Variants in ALG1L2 observed in about 807,000 individuals in gnomAD.
ALG1L2 encodes the protein ALG1 chitobiosyldiphosphodolichol beta-mannosyltransferase like 2, also known as putative glycosyltransferase ALG1L2.
A neutral mutation model predicts 29.0 loss-of-function variants in ALG1L2; 32 were observed. The observed-to-expected ratio is 1.10, with a 90% CI of 0.83 to 1.48. ALG1L2 has a LOEUF of 1.48. Ranked by LOEUF, ALG1L2 falls within the 40% of genes most tolerant of loss-of-function variation. ALG1L2 has a pLI of 0.00. For synonymous variants in ALG1L2, 110 were observed against 109.5 expected (o/e 1.00, Z -0.03); for missense variants, 318 against 274.1 (o/e 1.16, Z -1.13).
rs1297289184 is a variant in ALG1L2 at position 130,097,188 on chromosome 3, G to A, written c.553G>A (p.Val185Met). 2.5e-6 allele frequency: 4 copies of A among 1,611,848 alleles called. No homozygotes were observed. The highest frequency in any genetic ancestry group is 1.7e-5 in the Admixed American group (1 of 59,996). The change falls in exon 7 of 8, where the codon GTG (valine) becomes ATG (methionine). Residue 185 changes from valine (V) to methionine (M), a missense_variant. By Grantham distance (21) the Val-to-Met change is conservative (BLOSUM62 1). Coordinates refer to ENST00000425059, the MANE Select transcript of ALG1L2 (RefSeq NM_001136152.1). ...TTCTCTCTGCAGTTTACATGAGCTG[G>A]TGAAACATGAAGAAAACCGCCTGGT... ...AVNFKCLHEL[V>M]KHEENRLVFE...
rs528016464 is a variant in ALG1L2, at chr3:130,092,129, C to A, written c.160C>A (p.Arg54=). ...RSEPEDPDTE[R]SAFTERDSGS... ...AGAACCTGAGGACCCAGACACAGAG[C>A]GGTCGGCCTTCACGGAGCGGGATTC... The change falls in exon 3 of 8, where the codon CGG becomes AGG. Residue 54 remains arginine (R), a synonymous_variant. Transcript: ENST00000425059. The A allele has an allele frequency of 3.7e-6, 6 of 1,613,522 alleles. No homozygotes were observed. Among genetic ancestry groups the A allele is most frequent in the Non-Finnish European group, 5.1e-6 (6 of 1,179,830 alleles).
chr3:130,087,427 T>C (rs1198460398), intron 1 of ALG1L2, among the ~76,000 whole-genome samples: 6 of 149,864 alleles, frequency 4.0e-5, no homozygotes, highest in Non-Finnish European at 6.0e-5. Context: ...CAACTGAAAA[T>C]AATGCATGAT....
At chr3:130,097,307 C>G in intron 7 of ALG1L2, 57 bp downstream of exon 7, 1 of 1,590,526 alleles carries the variant, frequency 6.3e-7, no homozygotes, top group Non-Finnish European at 8.5e-7. Context: ...TGGCACCGAG[C>G]CATGCTCCCT....
Position 130,094,438 on chromosome 3 carries a change from A to C in ALG1L2, c.349A>C (p.Ile117Leu). 3.1e-6 allele frequency: 5 copies of C among 1,596,266 alleles called. No individual in the cohort carries two copies. The highest frequency in any genetic ancestry group is 4.2e-6 in the Non-Finnish European group (5 of 1,179,682). ...GPLREYYSRL[I>L]HQKHFQHIQV... ...TCTGAGGGAGTATTACAGCCGCCTC[A>C]TCCACCAGAAGCATTTCCAGCACAT... Residue 117 changes from isoleucine to leucine, a missense_variant, in exon 5 of 8, where the codon ATC becomes CTC. By Grantham distance (5) the Ile-to-Leu change is conservative (BLOSUM62 2). Transcript: ENST00000425059.
chr3:130,096,956 G>C (rs1388755546), intron 6 of ALG1L2, among the ~76,000 whole-genome samples: 2 of 152,046 alleles, frequency 1.3e-5, no homozygotes, highest in Admixed American at 1.3e-4. Context: ...CTTCCTTAAG[G>C]CTCTCTCCTC....
In ALG1L2 at chr3:130,086,087, C is replaced by G. The variant is rs192770055; in HGVS notation, c.20+4051C>G. ...GGTCCCAGGTGGACAGAAATCACCA[C>G]GATCCCCTCTTGGCCCCAACCAACA... On this transcript the variant is annotated intron_variant, in intron 1 of 7. Coordinates refer to ENST00000425059, the MANE Select transcript of ALG1L2 (RefSeq NM_001136152.1). Among the ~76,000 whole-genome samples the G allele has an allele frequency of 3.6e-4, 55 of 151,668 alleles. No individual in the cohort carries two copies. The East Asian group carries it at 8.3e-3, about 23-fold the overall frequency.
At chr3:130,082,424 A>C (rs989032730) in intron 1 of ALG1L2, among the ~76,000 whole-genome samples, 3 of 131,710 alleles carry the variant, frequency 2.3e-5, no homozygotes, top group African/African-American at 5.1e-5. Context: ...TGCGACCTCC[A>C]CCTCCCAGAC....
chr3:130,095,783 C>T (rs1391445096), intron 5 of ALG1L2, among the ~76,000 whole-genome samples: 1 of 152,102 alleles, frequency 6.6e-6, no homozygotes, highest in African/African-American at 2.4e-5. Flanking sequence ...GCACTCCAGC[C>T]TGGGTGACAG....
At position 130,098,247 on chromosome 3, in the gene ALG1L2, C is replaced by T. The variant is rs751592761; in HGVS notation, c.640C>T (p.Leu214Phe). ...GTATTTTGCAGATGCTTTTCTCAAA[C>T]TTTCCTGATCCTGAAGGCAAGCTAA... is the stretch of plus-strand genomic sequence containing the variant. ...LQYFADAFLK[L>F]S The change falls in exon 8 of 8, where the codon CTT becomes TTT. Residue 214 changes from leucine to phenylalanine, a missense_variant. By Grantham distance (22) the Leu-to-Phe change is conservative. Transcript: ENST00000425059. The T allele has an allele frequency of 1.8e-5, 29 of 1,596,346 alleles. No individual in the cohort carries two copies. The South Asian group carries it at 2.3e-4, about 13-fold the overall frequency.
intron 1 of ALG1L2, among the ~76,000 whole-genome samples, chr3:130,084,546 C>T (rs1467576093): frequency 1.5e-5 from 2 of 131,136 alleles, no homozygotes; most frequent in East Asian, 4.2e-4. Context: ...ATAACAGCAG[C>T]ACTTATGGGC....
At chr3:130,082,355 G>GTTTTGTTTTGTTTTGTT (rs1934806000) in intron 1 of ALG1L2, among the ~76,000 whole-genome samples, 1 of 130,574 alleles carries the variant, frequency 7.7e-6, no homozygotes, top group African/African-American at 2.6e-5. Flanking sequence ...GTTTTGTTTT[G>GTTTTGTTTTGTTTTGTT]TTTTGAGAAA....
intron 1 of ALG1L2, among the ~76,000 whole-genome samples, chr3:130,084,202 T>G (rs570363339): frequency 1.3e-5 from 2 of 151,130 alleles, no homozygotes; most frequent in African/African-American, 4.8e-5. Flanking sequence ...GGCTCACACC[T>G]GTAATCCCAG....
intron 1 of ALG1L2, among the ~76,000 whole-genome samples, chr3:130,090,287 C>T (rs1051708589): frequency 8.5e-5 from 13 of 152,152 alleles, no homozygotes; most frequent in Admixed American, 4.6e-4. Flanking sequence ...ACCCGGGAGG[C>T]AAGGTCGCAG....
intron 1 of ALG1L2, among the ~76,000 whole-genome samples, chr3:130,087,059 A>T (rs1350326674): frequency 6.7e-6 from 1 of 149,826 alleles, no homozygotes; most frequent in Non-Finnish European, 1.5e-5. Flanking sequence ...CTTGTTAGAT[A>T]AATGGCTACA....
At chr3:130,084,031 C>A (rs1400457943) in intron 1 of ALG1L2, among the ~76,000 whole-genome samples, 2 of 151,508 alleles carry the variant, frequency 1.3e-5, no homozygotes, top group Non-Finnish European at 3.0e-5. Flanking sequence ...ATGGGCTGAG[C>A]CTGCAGTGGC....
intron 1 of ALG1L2, among the ~76,000 whole-genome samples, chr3:130,089,197 G>T (rs1934957428): frequency 6.6e-6 from 1 of 152,266 alleles, no homozygotes; most frequent in South Asian, 2.1e-4. Flanking sequence ...AGCTGGAGAG[G>T]CCAAGCTCCC....
chr3:130,089,526 A>G lies in ALG1L2; in HGVS notation c.21-1735A>G, dbSNP rs1934964051. 5 of 152,304 alleles carry G rather than the reference A, an allele frequency of 3.3e-5. No individual in the cohort carries two copies. The South Asian group carries it at 1.0e-3, about 31-fold the overall frequency. The allele number at this position is 152,304 out of a possible 1,614,324, so 9.4% of individuals were successfully genotyped here. The stretch of plus-strand genomic sequence containing the variant: ...AAAAAAGAACATAAAATATCCATTA[A>G]GAATTTTTAAGTATTCATTAATGTT... On this transcript the variant is annotated intron_variant, in intron 1 of 7. Coordinates refer to ENST00000425059, the MANE Select transcript of ALG1L2 (RefSeq NM_001136152.1).
intron 2 of ALG1L2, 144 bp from the exon 3 acceptor site, chr3:130,091,957 T>A (rs13061782): frequency 0.26 from 356,722 of 1,347,792 alleles, 49,935 homozygotes; most frequent in Middle Eastern, 0.3. Context: ...CAGGCCTCGA[T>A]TGGCAGGGGT....
At chr3:130,087,756 A>C (rs78688507) in intron 1 of ALG1L2, among the ~76,000 whole-genome samples, 9,098 of 54,484 alleles carry the variant, frequency 0.17, 82 homozygotes, top group Middle Eastern at 0.21. Context: ...TAAATATTAC[A>C]TATTTAATAA....
Sources: gnomAD v4.1 joint callset for allele counts (sites outside exome capture counted in the v4.1 genomes callset) on GRCh38, gnomAD v4.1.1 for gene constraint, MANE v1.5 for transcripts, NCBI Gene and HGNC (gene_info 2026-07-23, HGNC 2026-07-21) for gene names.